DCX: variants seen among roughly 807,000 people sequenced by gnomAD.
DCX encodes neuronal migration protein doublecortin.
Under a neutral mutation model 20.9 loss-of-function variants are expected in DCX, and 4 were observed. The observed-to-expected ratio is 0.19, with a 90% CI of 0.09 to 0.44. The LOEUF is 0.44. Ranked by LOEUF, DCX falls within the 20% of genes least tolerant of loss-of-function variation. DCX has a pLI of 0.99. For synonymous variants in DCX, 103 were observed against 111.4 expected, an observed-to-expected ratio of 0.92 and a Z score of 0.47; for missense variants, 133 against 296.9, an observed-to-expected ratio of 0.45 and a Z score of 4.06.
At chrX:111,353,175 C>T (rs1057055697) in intron 3 of DCX, among the ~76,000 whole-genome samples, 5 of 111,439 alleles carry the variant, frequency 4.5e-5, no homozygotes, top group African/African-American at 1.6e-4. Flanking sequence ...AAACAAATCT[C>T]CATCCCTGAA....
chrX:111,362,077 AG>A (rs1924255650), intron 3 of DCX, among the ~76,000 whole-genome samples: 1 of 111,342 alleles, frequency 9.0e-6, no homozygotes, highest in Non-Finnish European at 1.9e-5. Flanking sequence ...ATCAATGGAC[AG>A]AGGTATAAGG....
At chrX:111,360,702 A>G (rs1924137274) in intron 3 of DCX, among the ~76,000 whole-genome samples, 1 of 111,341 alleles carries the variant, frequency 9.0e-6, no homozygotes, top group Admixed American at 9.5e-5. Flanking sequence ...CATCTCATGT[A>G]CCCCATAAAT....
At chrX:111,331,122 C>T in intron 4 of DCX, 81 bp from the exon 5 acceptor site, 4 of 1,093,517 alleles carry the variant, frequency 3.7e-6, no homozygotes, top group Non-Finnish European at 3.8e-6. Flanking sequence ...CCGCAATAAC[C>T]ATCACAGGCC....
At chrX:111,403,372 C>T (rs183529500) in intron 2 of DCX, among the ~76,000 whole-genome samples, 4 of 112,051 alleles carry the variant, frequency 3.6e-5, no homozygotes, top group African/African-American at 1.3e-4. Context: ...GACTTTTTTG[C>T]TCCCATCTCT....
chrX:111,410,924 AAGCAGTCTTT>A (rs1235460325), intron 1 of DCX: 1 of 1,209,381 alleles, frequency 8.3e-7, no homozygotes, highest in Non-Finnish European at 1.1e-6. Flanking sequence ...CCAGCTTAGG[AAGCAGTCTTT>A]GCATTTCAGT....
intron 6 of DCX, 110 bp from the exon 7 acceptor site, chrX:111,301,853 T>C: frequency 1.4e-5 from 10 of 724,018 alleles, no homozygotes; most frequent in Non-Finnish European, 1.9e-5. Context: ...AACATAATAA[T>C]TATAGATTCA....
intron 5 of DCX, among the ~76,000 whole-genome samples, chrX:111,319,316 G>A (rs1170280472): frequency 1.8e-5 from 2 of 111,516 alleles, no homozygotes; most frequent in African/African-American, 6.5e-5. Flanking sequence ...CCAGGTGAGG[G>A]ATGATGATGG....
intron 3 of DCX, among the ~76,000 whole-genome samples, chrX:111,370,325 C>T (rs1437483325): frequency 9.0e-6 from 1 of 111,607 alleles, no homozygotes; most frequent in African/African-American, 3.3e-5. Context: ...TATAGGTCTC[C>T]ATTGCTCAAT....
chrX:111,303,606 C>T (rs759726872), intron 6 of DCX, among the ~76,000 whole-genome samples: 1 of 111,768 alleles, frequency 8.9e-6, no homozygotes, highest in Non-Finnish European at 1.9e-5. Flanking sequence ...TTCAGAAACC[C>T]GAGGTTTAAC....
At chrX:111,355,172 T>G (rs1024829665) in intron 3 of DCX, among the ~76,000 whole-genome samples, 42 of 112,561 alleles carry the variant, frequency 3.7e-4, no homozygotes, top group African/African-American at 1.2e-3. Context: ...GTTCTTAATC[T>G]TGTTAAAGAA....
At chrX:111,346,425 A>G (rs1922829986) in intron 3 of DCX, among the ~76,000 whole-genome samples, 1 of 112,661 alleles carries the variant, frequency 8.9e-6, no homozygotes, top group African/African-American at 3.2e-5. Context: ...CTTTGAAAAC[A>G]TTATGTTAAG....
intron 3 of DCX, among the ~76,000 whole-genome samples, chrX:111,390,422 G>T (rs1175373169): frequency 8.9e-6 from 1 of 112,000 alleles, no homozygotes; most frequent in African/African-American, 3.2e-5. Flanking sequence ...GTTCTAAGCT[G>T]CTATGTTTGT....
chrX:111,305,011 A>G (rs1444411715), intron 6 of DCX, among the ~76,000 whole-genome samples: 1 of 112,054 alleles, frequency 8.9e-6, no homozygotes, highest in African/African-American at 3.2e-5. Flanking sequence ...ACAGGAACAG[A>G]GCCCCTCGGC....
intron 2 of DCX, 30 bp from the exon 3 acceptor site, chrX:111,401,360 T>G (rs1392190854): frequency 3.6e-6 from 4 of 1,106,093 alleles, no homozygotes; most frequent in Non-Finnish European, 5.0e-6. Flanking sequence ...ATTAGGTGAT[T>G]AGTTTAATAG....
chrX:111,408,612 GAAGA>G (rs1277139867), intron 2 of DCX, among the ~76,000 whole-genome samples: 1 of 87,852 alleles, frequency 1.1e-5, no homozygotes, highest in Non-Finnish European at 2.3e-5. Flanking sequence ...AGAAAGAAAG[GAAGA>G]AAGAAAGAAA....
intron 3 of DCX, among the ~76,000 whole-genome samples, chrX:111,365,211 T>C (rs1299405998): frequency 9.1e-6 from 1 of 110,116 alleles, no homozygotes; most frequent in Non-Finnish European, 1.9e-5. Context: ...TGAGCTACCA[T>C]GCCAGGCATA....
chrX:111,399,631 A>T (rs1196876199), intron 3 of DCX, among the ~76,000 whole-genome samples: 1 of 111,918 alleles, frequency 8.9e-6, no homozygotes, highest in African/African-American at 3.2e-5. Flanking sequence ...CAACTCTGTG[A>T]TCCAATGATT....
At chrX:111,408,629 A>G (rs1603424163) in intron 2 of DCX, among the ~76,000 whole-genome samples, 2 of 84,691 alleles carry the variant, frequency 2.4e-5, no homozygotes, top group Non-Finnish European at 4.6e-5. Context: ...GAAAGAAAGA[A>G]AAGAGAAAGA....
chrX:111,365,982 C>T (rs2147700783), intron 3 of DCX, among the ~76,000 whole-genome samples: 1 of 111,891 alleles, frequency 8.9e-6, no homozygotes, highest in African/African-American at 3.2e-5. Context: ...CAGTAGCACA[C>T]CCACAGTCAT....
Sources: gnomAD v4.1 joint callset for allele counts (sites outside exome capture counted in the v4.1 genomes callset) on GRCh38, gnomAD v4.1.1 for gene constraint, MANE v1.5 for transcripts, NCBI Gene and HGNC (gene_info 2026-07-23, HGNC 2026-07-21) for gene names.